Variants in SLC25A36 observed in about 807,000 individuals in gnomAD.
The protein encoded by SLC25A36 is epididymis secretory sperm binding protein.
SLC25A36 carries 24 observed loss-of-function variants against 35.3 expected under a neutral mutation model. The observed-to-expected ratio is 0.68, with a 90% CI of 0.49 to 0.96. The LOEUF (loss-of-function observed/expected upper bound fraction) is 0.96, where lower values mean the gene tolerates loss of function less well. Among genes scored for constraint, SLC25A36 ranks in the 40% least tolerant of loss-of-function variants. The pLI is 0.00. For synonymous variants in SLC25A36, 141 were observed against 132.2 expected, an observed-to-expected ratio of 1.07 and a Z score of -0.46; for missense variants, 294 against 381.1, an observed-to-expected ratio of 0.77 and a Z score of 1.90.
intron 4 of SLC25A36, chr3:140,964,341 G>A (rs1934707229): frequency 6.6e-6 from 1 of 151,792 alleles, no homozygotes; most frequent in Non-Finnish European, 1.5e-5. Context: ...ACAATCCAAA[G>A]GTCAAAAGAG....
intron 5 of SLC25A36, among the ~76,000 whole-genome samples, chr3:140,972,138 G>C (rs989620243): frequency 1.3e-5 from 2 of 152,144 alleles, no homozygotes; most frequent in Non-Finnish European, 2.9e-5. Context: ...AGATTAGAAA[G>C]TACAAGATGC....
chr3:140,941,857 C>A lies in SLC25A36; in HGVS notation c.-198C>A. 2 of 505,540 alleles carry A rather than the reference C, an allele frequency of 4.0e-6. No individual in the cohort carries two copies. Among genetic ancestry groups the A allele is most frequent in the Non-Finnish European group, 3.5e-6 (1 of 282,112 alleles). The allele number at this position is 505,540 out of a possible 1,614,324, so 31.3% of individuals were successfully genotyped here. A position where few individuals can be genotyped will look rare whatever the true frequency, so the allele number is the denominator to read the frequency against. ...TTTCAGCCTCTGGTGAAGGGCGGCGCGCTTAGGCAGGCGGTGGCGCGGCTG... is the reference window on the plus strand; with the variant it reads ...TTTCAGCCTCTGGTGAAGGGCGGCGAGCTTAGGCAGGCGGTGGCGCGGCTG... On this transcript the variant is annotated 5_prime_UTR_variant, in exon 1 of 7. Transcript: ENST00000324194.
intron 4 of SLC25A36, chr3:140,967,014 A>C (rs1016430336): frequency 2.2e-6 from 1 of 456,314 alleles, no homozygotes; most frequent in Non-Finnish European, 4.4e-6. Context: ...CTTCCTGTAG[A>C]AATATGGACT....
chr3:140,975,097 C>CTTTTTTTTT (rs10662120), intron 6 of SLC25A36, among the ~76,000 whole-genome samples: 1,347 of 55,078 alleles, frequency 0.024, 437 homozygotes, highest in Non-Finnish European at 0.034. Flanking sequence ...AAGATACATT[C>CTTTTTTTTT]TTTTTTTTTT....
chr3:140,952,783 T>C (rs571026027), intron 1 of SLC25A36, among the ~76,000 whole-genome samples: 3 of 152,242 alleles, frequency 2.0e-5, no homozygotes, highest in Non-Finnish European at 4.4e-5. Context: ...CATGGCTTTA[T>C]GTGCTCATGT....
rs74628590 is a variant in SLC25A36 at position 140,963,245 on chromosome 3, TAA to T, written c.385+31_385+32del. 3.2e-4 allele frequency: 378 copies of T among 1,173,554 alleles called. No homozygotes were observed. Among genetic ancestry groups the T allele is most frequent in the South Asian group, 5.5e-4 (36 of 65,422 alleles). 72.7% of individuals were successfully genotyped at this position (1,173,554 alleles called of 1,614,324 possible). A position where few individuals can be genotyped will look rare whatever the true frequency, so the allele number is the denominator to read the frequency against. On this transcript the variant is annotated intron_variant, in intron 4 of 6. Coordinates refer to ENST00000324194, the MANE Select transcript of SLC25A36 (RefSeq NM_001104647.3). ...AATGGCAGGTATGAATGTATAATAT[TAA>T]AAAAAAAAAAAACTTTCTGAAACCT...
chr3:140,951,826 G>T (rs1386358958), intron 1 of SLC25A36, among the ~76,000 whole-genome samples: 1 of 151,520 alleles, frequency 6.6e-6, no homozygotes, highest in African/African-American at 2.4e-5. Flanking sequence ...ATTTTGTTTT[G>T]TTGTTGTTGT....
intron 1 of SLC25A36, among the ~76,000 whole-genome samples, chr3:140,953,161 C>T (rs1210329049): frequency 1.3e-5 from 2 of 151,222 alleles, no homozygotes; most frequent in African/African-American, 2.4e-5. Flanking sequence ...TACCACTTAG[C>T]TCTCAACTCT....
intron 2 of SLC25A36, among the ~76,000 whole-genome samples, chr3:140,958,957 GTT>G (rs543256603): frequency 4.1e-4 from 47 of 115,830 alleles, no homozygotes; most frequent in Admixed American, 2.3e-3. Flanking sequence ...AAAAAACAAT[GTT>G]TTGTGTGTGT....
chr3:140,967,815 C>T (rs933137308), intron 4 of SLC25A36: 1 of 197,526 alleles, frequency 5.1e-6, no homozygotes, highest in African/African-American at 2.4e-5. Flanking sequence ...AATATATTGG[C>T]ACTTTGCTTT....
chr3:140,963,465 A>T, intron 4 of SLC25A36: 2 of 328,724 alleles, frequency 6.1e-6, no homozygotes, highest in South Asian at 4.5e-5. Flanking sequence ...TGCCTTGTGT[A>T]GTCCACTGAA....
intron 4 of SLC25A36, 179 bp from the exon 5 acceptor site, chr3:140,970,748 C>A: frequency 2.3e-6 from 1 of 428,720 alleles, no homozygotes; most frequent in African/African-American, 2.1e-5. Flanking sequence ...TTTGAGAATT[C>A]ATATAGATTG....
At chr3:140,976,225 T>C (rs769910015) in intron 6 of SLC25A36, 35 bp from the exon 7 acceptor site, 8 of 1,341,790 alleles carry the variant, frequency 6.0e-6, no homozygotes, top group Admixed American at 1.9e-5. Flanking sequence ...TGTAAAGATA[T>C]CAGTAATGTT....
chr3:140,956,852 A>G, intron 2 of SLC25A36, 161 bp downstream of exon 2: 1 of 1,168,264 alleles, frequency 8.6e-7, no homozygotes, highest in Non-Finnish European at 1.1e-6. Context: ...TCCCTAATGG[A>G]GAAGAACAGT....
chr3:140,948,493 T>C (rs921463212), intron 1 of SLC25A36, among the ~76,000 whole-genome samples: 1 of 152,198 alleles, frequency 6.6e-6, no homozygotes. Flanking sequence ...GTGATTGATA[T>C]TTCTTAATGT....
chr3:140,951,137 G>A (rs1313993881), intron 1 of SLC25A36, among the ~76,000 whole-genome samples: 1 of 152,048 alleles, frequency 6.6e-6, no homozygotes, highest in Non-Finnish European at 1.5e-5. Flanking sequence ...TCTTTACTAA[G>A]TTGTCTTTCC....
Position 140,942,074 on chromosome 3 carries a change from T to G in SLC25A36, c.20T>G (p.Leu7Arg). ...GAGAGAATGAGCCAGAGGGACACGC[T>G]GGTGCATCTGTTTGCCGGAGGGTAA... is the stretch of plus-strand genomic sequence containing the variant. MSQRDT[L>R]VHLFAGGCGG... The change falls in exon 1 of 7, where the codon CTG (leucine) becomes CGG (arginine). Residue 7 changes from leucine (L) to arginine (R), a missense_variant. Transcript: ENST00000324194. 1 of 1,487,258 alleles carries G rather than the reference T, an allele frequency of 6.7e-7. No individual in the cohort carries two copies. The highest frequency in any genetic ancestry group is 9.0e-7 in the Non-Finnish European group (1 of 1,106,144). The allele number at this position is 1,487,258 out of a possible 1,614,324, so 92.1% of individuals were successfully genotyped here. A position where few individuals can be genotyped will look rare whatever the true frequency, so the allele number is the denominator to read the frequency against.
At position 140,963,160 on chromosome 3, in the gene SLC25A36, G is replaced by A; in HGVS notation, c.318G>A (p.Lys106=). ...ACTTTGCTGCTTATTCAAACTGCAAGGAAAAGTTGAATGATGTATTTGATC... is the reference window on the plus strand; with the variant it reads ...ACTTTGCTGCTTATTCAAACTGCAAAGAAAAGTTGAATGATGTATTTGATC... ...AIYFAAYSNC[K]EKLNDVFDPD... The change falls in exon 4 of 7, where the codon AAG becomes AAA. Residue 106 remains lysine, a synonymous_variant. Transcript: ENST00000324194. The A allele has an allele frequency of 6.3e-7, 1 of 1,590,884 alleles. No individual in the cohort carries two copies. Among genetic ancestry groups the A allele is most frequent in the African/African-American group, 1.4e-5 (1 of 73,382 alleles).
intron 3 of SLC25A36, among the ~76,000 whole-genome samples, chr3:140,962,887 G>C (rs1013874893): frequency 1.3e-5 from 2 of 151,636 alleles, no homozygotes; most frequent in Non-Finnish European, 2.9e-5. Flanking sequence ...AGTATTGGAA[G>C]GGGGTCTGTT....
Sources: allele counts gnomAD v4.1 joint callset (sites outside exome capture counted in the v4.1 genomes callset), GRCh38; gene constraint gnomAD v4.1.1; transcripts MANE v1.5; gene names NCBI Gene and HGNC (gene_info 2026-07-23, HGNC 2026-07-21).